Variants in RAB3GAP2 observed in about 807,000 individuals in gnomAD.
RAB3GAP2 encodes the protein rab3 GTPase-activating protein non-catalytic subunit.
Under a neutral mutation model 185.3 loss-of-function variants are expected in RAB3GAP2, and 87 were observed. The ratio of observed to expected loss-of-function variants is 0.47; its 90% CI spans 0.39 to 0.56. The LOEUF is 0.56. RAB3GAP2 is among the 20% of genes least tolerant of loss of function. RAB3GAP2 has a pLI of 0.00. For synonymous variants in RAB3GAP2, 554 were observed against 576.1 expected, an observed-to-expected ratio of 0.96 and a Z score of 0.55; for missense variants, 1,492 against 1,638.2, an observed-to-expected ratio of 0.91 and a Z score of 1.54.
rs975358374 is a variant in RAB3GAP2 at position 220,148,715 on chromosome 1, G to A, written c.*2536C>T. On this transcript the variant is annotated 3_prime_UTR_variant, in exon 35 of 35. Transcript: ENST00000358951. ...AACAGTGTTTACTTTGACCATAGATGAAGTTTTATAATAAAAGTAAAACTT... is the reference window on the plus strand; with the variant it reads ...AACAGTGTTTACTTTGACCATAGATAAAGTTTTATAATAAAAGTAAAACTT... 2 of 151,920 alleles carry A rather than the reference G, an allele frequency of 1.3e-5. No homozygotes were observed. The highest frequency in any genetic ancestry group is 2.9e-5 in the Non-Finnish European group (2 of 68,004). 9.4% of individuals were successfully genotyped at this position (151,920 alleles called of 1,614,324 possible).
At chr1:220,173,599 G>A (rs1260423516) in intron 21 of RAB3GAP2, among the ~76,000 whole-genome samples, 1 of 152,218 alleles carries the variant, frequency 6.6e-6, no homozygotes, top group Non-Finnish European at 1.5e-5. Context: ...TTAGGGCCAG[G>A]AGCTGTGATA....
At position 220,224,094 on chromosome 1, in the gene RAB3GAP2, C is replaced by T. The variant is rs111819163; in HGVS notation, c.180+8705G>A. ...AAGGCTAGCTAACATTTATTGAGCA[C>T]TTACTATGCTCCAGGTACTATTCTA... is the stretch of plus-strand genomic sequence containing the variant. On this transcript the variant is annotated intron_variant, in intron 2 of 34. Coordinates refer to ENST00000358951, the MANE Select transcript of RAB3GAP2 (RefSeq NM_012414.4). Among the ~76,000 whole-genome samples, 503 of 151,512 alleles carry T rather than the reference C, an allele frequency of 3.3e-3. 2 individuals are homozygous for T. The highest frequency in any genetic ancestry group is 0.012 in the African/African-American group (477 of 41,278).
chr1:220,193,416 T>A, intron 12 of RAB3GAP2, 37 bp from the exon 13 acceptor site: 1 of 1,598,974 alleles, frequency 6.3e-7, no homozygotes, highest in South Asian at 1.1e-5. Flanking sequence ...TCAAATCACA[T>A]TCCAGTTCAG....
At chr1:220,204,471 C>T (rs533108915) in intron 8 of RAB3GAP2, among the ~76,000 whole-genome samples, 6 of 152,124 alleles carry the variant, frequency 3.9e-5, no homozygotes, top group African/African-American at 9.6e-5. Context: ...ATTTTATATT[C>T]GGTATTATCA....
intron 1 of RAB3GAP2, among the ~76,000 whole-genome samples, chr1:220,240,668 G>C (rs532849857): frequency 5.4e-4 from 82 of 152,092 alleles, no homozygotes; most frequent in Non-Finnish European, 1.1e-3. Context: ...ATGATATGAA[G>C]AGAAATAAAG....
chr1:220,205,766 T>C, intron 8 of RAB3GAP2, 141 bp downstream of exon 8: 1 of 663,652 alleles, frequency 1.5e-6, no homozygotes, highest in East Asian at 2.8e-5. Flanking sequence ...TGCTCCCCTT[T>C]CTCTACAGAA....
At chr1:220,168,166 C>G (rs1279847107) in intron 24 of RAB3GAP2, among the ~76,000 whole-genome samples, 1 of 152,142 alleles carries the variant, frequency 6.6e-6, no homozygotes, top group Non-Finnish European at 1.5e-5. Flanking sequence ...GATCTCAGCT[C>G]ACTGCAACCT....
At chr1:220,238,002 C>A (rs561197741) in intron 1 of RAB3GAP2, among the ~76,000 whole-genome samples, 1 of 151,922 alleles carries the variant, frequency 6.6e-6, no homozygotes, top group East Asian at 1.9e-4. Flanking sequence ...ATTTTACATT[C>A]ATTTTTCATA....
In RAB3GAP2 at chr1:220,218,557, G is replaced by A. The variant is rs528959452; in HGVS notation, c.181-4578C>T. On this transcript the variant is annotated intron_variant, in intron 2 of 34. Transcript: ENST00000358951. ...TGAACAATGAGAACACTTGGACACA[G>A]GGTGGGGAACATCACACACCAGGGC... 1.9e-4 allele frequency among the ~76,000 whole-genome samples: 29 copies of A among 152,202 alleles called. 1 individual carries two copies. The South Asian group carries it at 4.6e-3, about 24-fold the overall frequency.
chr1:220,209,033 A>G (rs558766901), intron 7 of RAB3GAP2, among the ~76,000 whole-genome samples: 3 of 152,216 alleles, frequency 2.0e-5, no homozygotes, highest in East Asian at 3.9e-4. Flanking sequence ...CAATTTTTGT[A>G]CTAGTCCTTT....
rs559303128 is a variant in RAB3GAP2, at chr1:220,152,081, T to G, written c.3868-317A>C. ...ATTTGAAACCCTCTAATGGCTTTTT[T>G]TTGTTGTTTTTTGAGATGGAGTCTC... On this transcript the variant is annotated intron_variant, in intron 33 of 34. Coordinates refer to ENST00000358951, the MANE Select transcript of RAB3GAP2 (RefSeq NM_012414.4). 3.3e-5 allele frequency among the ~76,000 whole-genome samples: 5 copies of G among 152,260 alleles called. No homozygotes were observed. In the South Asian group the frequency reaches 6.2e-4, roughly 19 times the overall value.
At chr1:220,164,661 A>G in intron 27 of RAB3GAP2, 72 bp downstream of exon 27, 1 of 1,544,318 alleles carries the variant, frequency 6.5e-7, no homozygotes, top group Non-Finnish European at 8.8e-7. Flanking sequence ...TAAATCTTTA[A>G]ATTCACATCC....
chr1:220,174,790 G>A (rs1457956044), intron 21 of RAB3GAP2, among the ~76,000 whole-genome samples: 1 of 152,102 alleles, frequency 6.6e-6, no homozygotes, highest in African/African-American at 2.4e-5. Flanking sequence ...TCGTACTTTT[G>A]AGGGAGGATA....
intron 11 of RAB3GAP2, 62 bp downstream of exon 11, chr1:220,195,236 A>G: frequency 1.9e-6 from 3 of 1,600,142 alleles, no homozygotes; most frequent in Admixed American, 1.7e-5. Context: ...CTATCAAAAT[A>G]TAAGTTAAAA....
intron 2 of RAB3GAP2, among the ~76,000 whole-genome samples, chr1:220,214,341 C>T (rs191949162): frequency 2.6e-5 from 4 of 152,262 alleles, no homozygotes; most frequent in Admixed American, 2.0e-4. Context: ...GCCTGGCCCA[C>T]ATGGTGAAAT....
intron 9 of RAB3GAP2, among the ~76,000 whole-genome samples, chr1:220,198,723 T>C (rs1558152423): frequency 6.6e-6 from 1 of 152,168 alleles, no homozygotes; most frequent in Non-Finnish European, 1.5e-5. Context: ...TGGCTGTGCA[T>C]TCTTTTTTTT....
intron 9 of RAB3GAP2, among the ~76,000 whole-genome samples, chr1:220,199,407 T>C (rs1658798130): frequency 1.3e-5 from 2 of 152,160 alleles, no homozygotes; most frequent in Non-Finnish European, 1.5e-5. Context: ...TTAATTTGGC[T>C]TTCATCCTCA....
At chr1:220,185,763 G>C in intron 17 of RAB3GAP2, 22 bp from the exon 18 acceptor site, 1 of 1,567,436 alleles carries the variant, frequency 6.4e-7, no homozygotes, top group Non-Finnish European at 8.8e-7. Flanking sequence ...ATATTGAACA[G>C]TTCTAGTAAT....
At chr1:220,211,932 A>G (rs966752340) in intron 4 of RAB3GAP2, among the ~76,000 whole-genome samples, 1 of 152,232 alleles carries the variant, frequency 6.6e-6, no homozygotes, top group Admixed American at 6.5e-5. Flanking sequence ...AATATCTACA[A>G]TGTTCCAGGC....
Sources: gnomAD v4.1 joint callset for allele counts (sites outside exome capture counted in the v4.1 genomes callset) on GRCh38, gnomAD v4.1.1 for gene constraint, MANE v1.5 for transcripts, NCBI Gene and HGNC (gene_info 2026-07-23, HGNC 2026-07-21) for gene names.